The following CHD2 variants were observed in gnomAD, a reference collection of about 807,000 sequenced individuals.
The protein encoded by CHD2 is chromodomain helicase DNA binding protein 2.
In CHD2, 28 loss-of-function variants were observed where a neutral mutation model predicts 243.9. The observed-to-expected ratio is 0.11, with a 90% CI of 0.09 to 0.16. The LOEUF (loss-of-function observed/expected upper bound fraction) is 0.16, where lower values mean the gene tolerates loss of function less well. Among genes scored for constraint, CHD2 ranks in the 10% least tolerant of loss-of-function variants. CHD2 has a pLI of 1.00. For missense variants in CHD2, 1,386 were observed against 2,209.8 expected, an observed-to-expected ratio of 0.63 and a Z score of 7.47; for synonymous variants, 775 against 779.0, an observed-to-expected ratio of 0.99 and a Z score of 0.09.
In CHD2 at chr15:92,937,561, G is replaced by C; in HGVS notation, c.487G>C (p.Gly163Arg). Reference protein sequence around the residue: ...QEPSEDEQEQGTSAESEPEQK... With the variant: ...QEPSEDEQEQRTSAESEPEQK... ...ACCCTCAGAAGATGAACAGGAACAA[G>C]GCACCAGTGCAGAGAGTGAGCCAGA... is the stretch of plus-strand genomic sequence containing the variant. Residue 163 changes from glycine to arginine, a missense_variant, in exon 6 of 39, where the codon GGC (glycine) becomes CGC (arginine). Physicochemically the swap from Gly to Arg is moderately radical, Grantham distance 125. Around this residue, in one of 19 missense-constraint regions of CHD2, gnomAD observed 90 missense variants for 78.0 expected, o/e 1.15. Transcript: ENST00000394196. 1.2e-6 allele frequency: 2 copies of C among 1,613,434 alleles called. No individual in the cohort carries two copies. Among genetic ancestry groups the C allele is most frequent in the Non-Finnish European group, 1.7e-6 (2 of 1,179,656 alleles).
At chr15:92,932,289 C>CTTT (rs34925592) in intron 5 of CHD2, among the ~76,000 whole-genome samples, 3 of 139,900 alleles carry the variant, frequency 2.1e-5, no homozygotes, top group African/African-American at 5.3e-5. Context: ...AGTTGCACAT[C>CTTT]TTTTTTTTTT....
intron 6 of CHD2, among the ~76,000 whole-genome samples, chr15:92,939,287 G>GT (rs771169105): frequency 5.3e-5 from 8 of 152,128 alleles, no homozygotes; most frequent in Non-Finnish European, 1.0e-4. Flanking sequence ...AACATGCTGT[G>GT]TATGTGTTTT....
intron 24 of CHD2, among the ~76,000 whole-genome samples, chr15:92,981,827 A>G (rs1440537859): frequency 6.6e-6 from 1 of 152,182 alleles, no homozygotes; most frequent in Non-Finnish European, 1.5e-5. Context: ...TGACAATTAG[A>G]AGGTTCTGAT....
At chr15:92,921,488 A>G (rs900766512) in intron 2 of CHD2, 2 of 152,206 alleles carry the variant, frequency 1.3e-5, no homozygotes, top group African/African-American at 4.8e-5. Context: ...CCTTTCAAGT[A>G]GACTGCCCTT....
At chr15:92,955,562 C>A in intron 15 of CHD2, 50 bp downstream of exon 15, 2 of 1,202,606 alleles carry the variant, frequency 1.7e-6, no homozygotes, top group Non-Finnish European at 2.4e-6. Flanking sequence ...GCGACTTGTC[C>A]AGATGGTAGG....
chr15:92,991,105 A>G (rs1433632960), intron 26 of CHD2, among the ~76,000 whole-genome samples: 1 of 152,192 alleles, frequency 6.6e-6, no homozygotes, highest in Non-Finnish European at 1.5e-5. Context: ...GAAACGATAT[A>G]AGGGTTTGTC....
intron 36 of CHD2, among the ~76,000 whole-genome samples, chr15:93,013,785 A>T (rs542450308): frequency 6.6e-6 from 1 of 152,002 alleles, no homozygotes; most frequent in African/African-American, 2.4e-5. Flanking sequence ...AACTACAAAT[A>T]TTAGCTGGGT....
At chr15:93,004,526 C>G (rs1279806789) in intron 33 of CHD2, 91 bp from the exon 34 acceptor site, 1 of 1,192,056 alleles carries the variant, frequency 8.4e-7, no homozygotes, top group Non-Finnish European at 1.1e-6. Context: ...TCATATTTAC[C>G]CATTTTAATA....
chr15:92,930,791 T>C (rs546386103), intron 5 of CHD2, among the ~76,000 whole-genome samples: 1 of 152,326 alleles, frequency 6.6e-6, no homozygotes, highest in East Asian at 1.9e-4. Context: ...TTTCTTTTCC[T>C]GAGTAGAACC....
intron 28 of CHD2, 99 bp from the exon 29 acceptor site, chr15:92,996,858 A>G (rs2054195078): frequency 8.7e-7 from 1 of 1,152,306 alleles, no homozygotes; most frequent in Non-Finnish European, 1.2e-6. Flanking sequence ...AGCCAGAGAT[A>G]TATTCAGAGA....
chr15:92,961,874 CTCTTT>C (rs1465675135), intron 16 of CHD2, among the ~76,000 whole-genome samples: 9 of 61,226 alleles, frequency 1.5e-4, no homozygotes, highest in African/African-American at 4.0e-4. Context: ...GTTTTTTCTT[CTCTTT>C]TTTTTTTTTT....
chr15:92,945,558 C>T (rs146300801), intron 10 of CHD2: 263 of 189,626 alleles, frequency 1.4e-3, no homozygotes, highest in African/African-American at 5.6e-3. Context: ...CCACCACGCC[C>T]GGCTAATTTC....
At chr15:93,005,660 G>A (rs749897851) in intron 34 of CHD2, among the ~76,000 whole-genome samples, 1 of 152,034 alleles carries the variant, frequency 6.6e-6, no homozygotes, top group Non-Finnish European at 1.5e-5. Context: ...ACCTATACAC[G>A]TATGTATATA....
chr15:92,942,034 G>A lies in CHD2; in HGVS notation c.826+79G>A, dbSNP rs1476213138. 14 of 1,393,046 alleles carry A rather than the reference G, an allele frequency of 1.0e-5. No homozygotes were observed. The East Asian group carries it at 2.5e-4, about 25-fold the overall frequency. The allele number at this position is 1,393,046 out of a possible 1,614,324, so 86.3% of individuals were successfully genotyped here. A position where few individuals can be genotyped will look rare whatever the true frequency, so the allele number is the denominator to read the frequency against. Reference sequence around the variant, plus strand: ...ATTTTAGGTATTTTAACTCTAATGTGATGAATTTTAGTCTACTGCTGTATT... The same window carrying A: ...ATTTTAGGTATTTTAACTCTAATGTAATGAATTTTAGTCTACTGCTGTATT... On this transcript the variant is annotated intron_variant, in intron 8 of 38. Transcript: ENST00000394196.
intron 14 of CHD2, 130 bp downstream of exon 14, chr15:92,953,703 T>C: frequency 1.2e-6 from 1 of 805,854 alleles, no homozygotes; most frequent in South Asian, 1.8e-5. Flanking sequence ...GTTCTCAATA[T>C]TAGGAGGTTT....
intron 35 of CHD2, among the ~76,000 whole-genome samples, chr15:93,011,622 A>G (rs967608774): frequency 3.3e-5 from 5 of 152,210 alleles, no homozygotes; most frequent in African/African-American, 9.6e-5. Context: ...ACTACCTGTT[A>G]GGAAGTTTGA....
Position 92,909,630 on chromosome 15 carries a change from A to G in CHD2, c.62+8331A>G, listed in dbSNP as rs144274155. Among the ~76,000 whole-genome samples, 318 of 152,256 alleles carry G rather than the reference A, an allele frequency of 2.1e-3. 2 individuals are homozygous for G. Among genetic ancestry groups the G allele is most frequent in the African/African-American group, 7.2e-3 (299 of 41,550 alleles). ...ATACACAGTGCGGTGCTGCAATCCC[A>G]GTCTCAGGTGGGATTTTCCCACCTC... On this transcript the variant is annotated intron_variant, in intron 2 of 38. Transcript: ENST00000394196.
At chr15:92,963,612 G>C (rs528143357) in intron 16 of CHD2, among the ~76,000 whole-genome samples, 3 of 152,196 alleles carry the variant, frequency 2.0e-5, no homozygotes, top group African/African-American at 7.2e-5. Flanking sequence ...TGTGTATTCA[G>C]GTCGCTGTTG....
chr15:92,927,367 T>G, intron 4 of CHD2, 37 bp downstream of exon 4: 1 of 1,410,480 alleles, frequency 7.1e-7, no homozygotes, highest in Non-Finnish European at 1.0e-6. Context: ...GCATTTAAAC[T>G]CCCTATCTTA....
Sources: allele counts gnomAD v4.1 joint callset (sites outside exome capture counted in the v4.1 genomes callset), GRCh38; gene constraint gnomAD v4.1.1; regional missense constraint gnomAD v4.1.1; transcripts MANE v1.5; gene names NCBI Gene and HGNC (gene_info 2026-07-23, HGNC 2026-07-21).